The following DDX19A variants were observed in gnomAD, a reference collection of about 807,000 sequenced individuals.
DDX19A encodes ATP-dependent RNA helicase DDX19A.
A neutral mutation model predicts 60.6 loss-of-function variants in DDX19A; 12 were observed. The observed-to-expected ratio is 0.20, with a 90% confidence interval of 0.13 to 0.32. The LOEUF (loss-of-function observed/expected upper bound fraction) is 0.32. DDX19A is among the 10% of genes least tolerant of loss of function. The pLI is 1.00. For missense variants in DDX19A, 337 were observed against 600.6 expected (o/e 0.56, Z 4.59); for synonymous variants, 206 against 218.2 (o/e 0.94, Z 0.49).
intron 9 of DDX19A, among the ~76,000 whole-genome samples, chr16:70,367,809 G>A (rs1387379948): frequency 5.9e-5 from 9 of 151,896 alleles, no homozygotes; most frequent in African/African-American, 9.7e-5. Flanking sequence ...GCTGGGAGGC[G>A]GAGATTGCAG....
chr16:70,368,460 G>T (rs1161990890), intron 9 of DDX19A, among the ~76,000 whole-genome samples: 1 of 152,008 alleles, frequency 6.6e-6, no homozygotes, highest in Non-Finnish European at 1.5e-5. Flanking sequence ...TTTGGTACAG[G>T]GGGTTTCACC....
At chr16:70,370,529 T>C in intron 10 of DDX19A, 144 bp downstream of exon 10, 1 of 1,290,596 alleles carries the variant, frequency 7.7e-7, no homozygotes, top group Non-Finnish European at 1.0e-6. Context: ...TAGGAGAGAC[T>C]GTTTGGATTT....
intron 5 of DDX19A, 53 bp from the exon 6 acceptor site, chr16:70,364,490 A>G (rs1597536634): frequency 7.4e-7 from 1 of 1,355,956 alleles, no homozygotes; most frequent in East Asian, 2.3e-5. Context: ...ACATTTTGAC[A>G]TGTTACTGAG....
rs780206841 is a variant in DDX19A at position 70,355,465 on chromosome 16, A to T, written c.107-20A>T. The T allele has an allele frequency of 6.9e-6, 11 of 1,600,824 alleles. No individual in the cohort carries two copies. Among genetic ancestry groups the T allele is most frequent in the Non-Finnish European group, 9.4e-6 (11 of 1,168,216 alleles). Reference sequence around the variant, plus strand: ...TCTCATATTTGCCTTTCTAATTATGACAATTGTTTTCTTGTGTAGGTATTA... The same window carrying T: ...TCTCATATTTGCCTTTCTAATTATGTCAATTGTTTTCTTGTGTAGGTATTA... On this transcript the variant is annotated intron_variant, in intron 2 of 11. Transcript: ENST00000302243.
intron 8 of DDX19A, 33 bp from the exon 9 acceptor site, chr16:70,366,591 C>T: frequency 6.2e-7 from 1 of 1,613,490 alleles, no homozygotes; most frequent in East Asian, 2.2e-5. Context: ...CCCAGGGCCA[C>T]CTGGGGCCAT....
chr16:70,352,168 T>G (rs555546536), intron 2 of DDX19A, among the ~76,000 whole-genome samples: 1 of 151,134 alleles, frequency 6.6e-6, no homozygotes, highest in Admixed American at 6.6e-5. Context: ...GTGTAGATTC[T>G]CATATTCTCT....
At position 70,346,966 on chromosome 16, in the gene DDX19A, C is replaced by T; in HGVS notation, c.-26C>T. 6.2e-7 allele frequency: 1 copy of T among 1,608,200 alleles called. No individual in the cohort carries two copies. The highest frequency in any genetic ancestry group is 8.5e-7 in the Non-Finnish European group (1 of 1,177,862). On this transcript the variant is annotated 5_prime_UTR_variant, in exon 1 of 12. Coordinates refer to ENST00000302243, the MANE Select transcript of DDX19A (RefSeq NM_018332.5). The stretch of plus-strand genomic sequence containing the variant: ...CGACGTGGTGCAGCGCATATTTTCA[C>T]AAGTGGGTCTCCCTTGTCCGGGACT...
chr16:70,367,006 G>T, intron 9 of DDX19A, 145 bp downstream of exon 9: 1 of 955,354 alleles, frequency 1.0e-6, no homozygotes, highest in East Asian at 2.4e-5. Flanking sequence ...CCTTTAGTGG[G>T]GGTAATGGTA....
intron 4 of DDX19A, chr16:70,356,950 C>CA (rs762319360): frequency 0.14 from 66,245 of 474,060 alleles, 42 homozygotes; most frequent in Non-Finnish European, 0.15. Context: ...TTTTTTTTTA[C>CA]AAAAAAAAAA....
chr16:70,370,077 C>T, intron 9 of DDX19A, 146 bp from the exon 10 acceptor site: 1 of 1,151,550 alleles, frequency 8.7e-7, no homozygotes, highest in South Asian at 1.8e-5. Flanking sequence ...CACACCTGTA[C>T]TCCCAGCCCT....
chr16:70,349,310 A>G (rs930719006), intron 1 of DDX19A, among the ~76,000 whole-genome samples: 1 of 152,130 alleles, frequency 6.6e-6, no homozygotes, highest in Admixed American at 6.6e-5. Flanking sequence ...TGAGGCTTTT[A>G]TTGGGGGGCT....
At chr16:70,360,108 C>G (rs1165874316) in intron 4 of DDX19A, among the ~76,000 whole-genome samples, 1 of 151,878 alleles carries the variant, frequency 6.6e-6, no homozygotes. Context: ...TGGCGAAACC[C>G]TGTTTCTACT....
intron 3 of DDX19A, 188 bp from the exon 4 acceptor site, chr16:70,355,924 T>G (rs1379233690): frequency 1.4e-6 from 1 of 720,504 alleles, no homozygotes; most frequent in African/African-American, 1.8e-5. Context: ...ATTGCTCCAC[T>G]GCACTCCAGC....
At chr16:70,352,173 T>C (rs1216794090) in intron 2 of DDX19A, among the ~76,000 whole-genome samples, 1 of 151,478 alleles carries the variant, frequency 6.6e-6, no homozygotes, top group Non-Finnish European at 1.5e-5. Flanking sequence ...GATTCTCATA[T>C]TCTCTCTCTC....
chr16:70,358,914 A>G (rs1567652812), intron 4 of DDX19A, among the ~76,000 whole-genome samples: 1 of 152,198 alleles, frequency 6.6e-6, no homozygotes, highest in Non-Finnish European at 1.5e-5. Flanking sequence ...CAAATCTGTC[A>G]TCTCCACTTT....
intron 4 of DDX19A, among the ~76,000 whole-genome samples, chr16:70,358,552 T>C (rs1235223330): frequency 6.6e-6 from 1 of 151,822 alleles, no homozygotes; most frequent in Non-Finnish European, 1.5e-5. Context: ...TTTTAAACAG[T>C]TATACTTTAG....
Position 70,346,940 on chromosome 16 carries a change from G to T in DDX19A, c.-52G>T, listed in dbSNP as rs1963847249. 4 of 1,573,646 alleles carry T rather than the reference G, an allele frequency of 2.5e-6. No individual in the cohort carries two copies. The highest frequency in any genetic ancestry group is 3.5e-6 in the Non-Finnish European group (4 of 1,156,264). The stretch of plus-strand genomic sequence containing the variant: ...CGGTGGCGAGGTTAGGGCCCGCGTT[G>T]CGACGTGGTGCAGCGCATATTTTCA... On this transcript the variant is annotated 5_prime_UTR_variant, in exon 1 of 12. Transcript: ENST00000302243.
chr16:70,370,204 A>G lies in DDX19A; in HGVS notation c.1021-19A>G, dbSNP rs987758668. ...TATACTCAAATACTTTCATTTCTCA[A>G]TTGTTTTTTTTCTTCCAGACTCGCA... On this transcript the variant is annotated intron_variant, in intron 9 of 11. Transcript: ENST00000302243. The G allele has an allele frequency of 2.0e-5, 32 of 1,603,642 alleles. No individual in the cohort carries two copies. The highest frequency in any genetic ancestry group is 2.7e-5 in the Non-Finnish European group (32 of 1,177,174).
Position 70,364,642 on chromosome 16 carries a change from C to T in DDX19A, c.486C>T (p.Pro162=), listed in dbSNP as rs1964463692. 3 of 1,613,816 alleles carry T rather than the reference C, an allele frequency of 1.9e-6. No individual in the cohort carries two copies. The highest frequency in any genetic ancestry group is 2.5e-6 in the Non-Finnish European group (3 of 1,179,694). The change falls in exon 6 of 12, where the codon CCC becomes CCT. Residue 162 remains proline, a synonymous_variant. Coordinates refer to ENST00000302243, the MANE Select transcript of DDX19A (RefSeq NM_018332.5). Reference sequence around the variant, plus strand: ...GAGTGGAGCCATCAGACAGATACCCCCAGGTGAGGGCTTGCGGGGCTGGGT... The same window carrying T: ...GAGTGGAGCCATCAGACAGATACCCTCAGGTGAGGGCTTGCGGGGCTGGGT... ...LSRVEPSDRY[P]QCLCLSPTYE... is the part of the protein sequence containing the mutation.
Sources: allele counts gnomAD v4.1 joint callset (sites outside exome capture counted in the v4.1 genomes callset), GRCh38; gene constraint gnomAD v4.1.1; transcripts MANE v1.5; gene names NCBI Gene and HGNC (gene_info 2026-07-23, HGNC 2026-07-21).